The following TBXAS1 variants were observed in gnomAD, a reference collection of about 807,000 sequenced individuals.
TBXAS1 encodes thromboxane A synthase 1, also known as thromboxane-A synthase.
Under a neutral mutation model 60.7 loss-of-function variants are expected in TBXAS1, and 48 were observed. The observed-to-expected ratio is 0.79, with a 90% CI of 0.63 to 1.01. The LOEUF is 1.01. Ranked by LOEUF, TBXAS1 falls within the 50% of genes least tolerant of loss-of-function variation. The pLI, the probability that TBXAS1 is intolerant of heterozygous loss-of-function variation, is 0.00. For missense variants in TBXAS1, 685 were observed against 686.3 expected, an observed-to-expected ratio of 1.00 and a Z score of 0.02; for synonymous variants, 287 against 269.7, an observed-to-expected ratio of 1.06 and a Z score of -0.63.
chr7:139,875,730 T>A, intron 3 of TBXAS1, 93 bp downstream of exon 3: 1 of 1,469,050 alleles, frequency 6.8e-7, no homozygotes, highest in Non-Finnish European at 9.5e-7. Context: ...ATAGAAGAAA[T>A]GCCAAGATTA....
intron 4 of TBXAS1, among the ~76,000 whole-genome samples, chr7:139,809,329 T>G (rs1272172180): frequency 1.6e-5 from 2 of 121,296 alleles, no homozygotes; most frequent in Non-Finnish European, 3.3e-5. Context: ...ATTAGATAGA[T>G]AGATAGATAG....
At chr7:139,894,195 C>T (rs1803893644) in intron 3 of TBXAS1, among the ~76,000 whole-genome samples, 1 of 152,190 alleles carries the variant, frequency 6.6e-6, no homozygotes, top group Non-Finnish European at 1.5e-5. Context: ...GACTACCGTG[C>T]CACCACCCAC....
chr7:139,947,149 C>T (rs1271337602), intron 5 of TBXAS1, among the ~76,000 whole-genome samples: 1 of 151,558 alleles, frequency 6.6e-6, no homozygotes, highest in African/African-American at 2.4e-5. Context: ...GGTAGAAAAT[C>T]CATTAAAAAA....
chr7:139,944,534 T>C (rs1480159250), intron 5 of TBXAS1, among the ~76,000 whole-genome samples: 1 of 152,208 alleles, frequency 6.6e-6, no homozygotes, highest in Non-Finnish European at 1.5e-5. Flanking sequence ...TCATTTCAGC[T>C]GTTTAGCCCC....
intron 4 of TBXAS1, among the ~76,000 whole-genome samples, chr7:139,929,391 G>A (rs897985174): frequency 6.6e-6 from 1 of 152,064 alleles, no homozygotes; most frequent in Non-Finnish European, 1.5e-5. Flanking sequence ...TTTATGTGAT[G>A]GAGTGATGGC....
intron 9 of TBXAS1, among the ~76,000 whole-genome samples, chr7:139,981,330 G>C (rs1455181178): frequency 6.6e-6 from 1 of 152,160 alleles, no homozygotes; most frequent in Non-Finnish European, 1.5e-5. Flanking sequence ...TGGCCAGGCT[G>C]GTCTTGAACT....
rs572602386 is a variant in TBXAS1 at position 139,973,693 on chromosome 7, C to T, written c.1134+11460C>T. Among the ~76,000 whole-genome samples, 16 of 151,864 alleles carry T rather than the reference C, an allele frequency of 1.1e-4. 1 individual carries two copies. The East Asian group carries it at 1.7e-3, about 17-fold the overall frequency. On this transcript the variant is annotated intron_variant, in intron 9 of 12. Transcript: ENST00000448866. ...TGTGACTCCCCTGTGAATTGCAATG[C>T]GGAAGGTTTATAAAGTTAATCATTT...
intron 4 of TBXAS1, among the ~76,000 whole-genome samples, chr7:139,812,792 C>G (rs1798050036): frequency 6.6e-6 from 1 of 152,166 alleles, no homozygotes; most frequent in Non-Finnish European, 1.5e-5. Context: ...CACGGTGACT[C>G]ACGCCTGTAA....
chr7:139,905,061 C>CTT (rs1319023894), intron 3 of TBXAS1, among the ~76,000 whole-genome samples: 133 of 61,916 alleles, frequency 2.1e-3, no homozygotes, highest in Non-Finnish European at 3.1e-3. Context: ...CTTTCTTTCT[C>CTT]TCTCTCTCTC....
intron 1 of TBXAS1, among the ~76,000 whole-genome samples, chr7:139,838,875 G>T (rs774640085): frequency 1.6e-4 from 25 of 152,302 alleles, no homozygotes; most frequent in South Asian, 4.1e-4. Flanking sequence ...TTAGCTGGAA[G>T]TACATGGAGC....
intron 4 of TBXAS1, among the ~76,000 whole-genome samples, chr7:139,792,221 C>T (rs1215183334): frequency 4.6e-5 from 7 of 152,086 alleles, no homozygotes; most frequent in Non-Finnish European, 8.8e-5. Context: ...AAAGATAAAG[C>T]CAGTCTGGGG....
intron 4 of TBXAS1, among the ~76,000 whole-genome samples, chr7:139,935,739 G>A (rs1447584184): frequency 4.6e-5 from 7 of 151,994 alleles, no homozygotes; most frequent in African/African-American, 7.3e-5. Flanking sequence ...GGGTCCAGAC[G>A]AGTGAGTCTT....
intron 4 of TBXAS1, among the ~76,000 whole-genome samples, chr7:139,917,707 T>G (rs1295675593): frequency 6.6e-6 from 1 of 152,258 alleles, no homozygotes; most frequent in Non-Finnish European, 1.5e-5. Flanking sequence ...GTGGTGTTGA[T>G]TCTCAATGCT....
At chr7:139,818,502 C>T (rs1370917335) in intron 4 of TBXAS1, among the ~76,000 whole-genome samples, 2 of 152,146 alleles carry the variant, frequency 1.3e-5, no homozygotes, top group Non-Finnish European at 2.9e-5. Flanking sequence ...TGAGCCACCA[C>T]GCCCAGCCTC....
At chr7:139,947,886 A>G (rs1374129991) in intron 5 of TBXAS1, among the ~76,000 whole-genome samples, 1 of 147,370 alleles carries the variant, frequency 6.8e-6, no homozygotes, top group Non-Finnish European at 1.5e-5. Context: ...TTTTTTTGAG[A>G]TGGAGTCTTG....
intron 10 of TBXAS1, among the ~76,000 whole-genome samples, chr7:140,009,149 G>A (rs964316825): frequency 2.0e-5 from 3 of 152,344 alleles, no homozygotes; most frequent in South Asian, 2.1e-4. Context: ...CCACTGACCC[G>A]TTATAAACAG....
intron 4 of TBXAS1, among the ~76,000 whole-genome samples, chr7:139,788,957 A>G (rs1039001332): frequency 6.6e-6 from 1 of 152,208 alleles, no homozygotes; most frequent in Non-Finnish European, 1.5e-5. Flanking sequence ...AGAATGAAAG[A>G]AGGGCTGGAA....
At chr7:139,936,712 G>C (rs1807821876) in intron 5 of TBXAS1, among the ~76,000 whole-genome samples, 1 of 152,084 alleles carries the variant, frequency 6.6e-6, no homozygotes, top group Non-Finnish European at 1.5e-5. Context: ...CTAAGAATCT[G>C]CATTTATAAC....
intron 5 of TBXAS1, among the ~76,000 whole-genome samples, chr7:139,945,311 G>A (rs151036239): frequency 1.2e-3 from 183 of 152,336 alleles, no homozygotes; most frequent in Non-Finnish European, 3.1e-4. Flanking sequence ...AGCTCATTGC[G>A]ATCAGCCCTT....
Sources: gnomAD v4.1 joint callset for allele counts (sites outside exome capture counted in the v4.1 genomes callset) on GRCh38, gnomAD v4.1.1 for gene constraint, MANE v1.5 for transcripts, NCBI Gene and HGNC (gene_info 2026-07-23, HGNC 2026-07-21) for gene names.